Variants in DLG2 observed in about 807,000 individuals in gnomAD.
DLG2 encodes disks large homolog 2.
Under a neutral mutation model 132.5 loss-of-function variants are expected in DLG2, and 45 were observed. That is an observed-to-expected ratio of 0.34 (90% CI 0.27 to 0.44). DLG2 has a LOEUF of 0.44. Among genes scored for constraint, DLG2 ranks in the 20% least tolerant of loss-of-function variants. The pLI, the probability that DLG2 is intolerant of heterozygous loss-of-function variation, is 1.00. For synonymous variants in DLG2, 424 were observed against 419.6 expected, an observed-to-expected ratio of 1.01 and a Z score of -0.13; for missense variants, 1,045 against 1,196.9, an observed-to-expected ratio of 0.87 and a Z score of 1.87.
intron 7 of DLG2, among the ~76,000 whole-genome samples, chr11:84,304,035 C>T (rs542007698): frequency 5.3e-5 from 8 of 152,156 alleles, no homozygotes; most frequent in Admixed American, 4.6e-4. Flanking sequence ...AGGTTAATGG[C>T]GCAGAAACAT....
Position 84,181,717 on chromosome 11 carries a change from G to C in DLG2, c.574-18206C>G, listed in dbSNP as rs572002038. 2.0e-5 allele frequency among the ~76,000 whole-genome samples: 3 copies of C among 152,268 alleles called. No individual in the cohort carries two copies. The South Asian group carries it at 6.2e-4, about 32-fold the overall frequency. ...TCATAATAACACTAATCAAAAGAAAGTGGGAGTAGCTATATTAATTCCAGG... is the reference window on the plus strand; with the variant it reads ...TCATAATAACACTAATCAAAAGAAACTGGGAGTAGCTATATTAATTCCAGG... On this transcript the variant is annotated intron_variant, in intron 8 of 27. Coordinates refer to ENST00000376104, the MANE Select transcript of DLG2 (RefSeq NM_001142699.3).
chr11:83,577,559 A>AATATATAT (rs1167372199), intron 19 of DLG2, among the ~76,000 whole-genome samples: 6,883 of 78,096 alleles, frequency 0.088, 448 homozygotes, highest in East Asian at 0.2. Flanking sequence ...GAATTAATAG[A>AATATATAT]ATATATATAT....
At chr11:84,266,511 G>T (rs2097638124) in intron 7 of DLG2, among the ~76,000 whole-genome samples, 1 of 152,096 alleles carries the variant, frequency 6.6e-6, no homozygotes, top group South Asian at 2.1e-4. Context: ...TAAAAATTGG[G>T]GTATTACTAA....
At chr11:83,636,329 T>C (rs1417371569) in intron 18 of DLG2, among the ~76,000 whole-genome samples, 1 of 152,152 alleles carries the variant, frequency 6.6e-6, no homozygotes, top group African/African-American at 2.4e-5. Context: ...TAACATAGTG[T>C]CTGAGATGCT....
chr11:84,229,644 G>T (rs575930625), intron 8 of DLG2, among the ~76,000 whole-genome samples: 1 of 152,258 alleles, frequency 6.6e-6, no homozygotes, highest in African/African-American at 2.4e-5. Flanking sequence ...TGATGCTAAT[G>T]CCACTGGTTT....
At chr11:84,076,629 G>A (rs990132347) in intron 10 of DLG2, among the ~76,000 whole-genome samples, 31 of 152,228 alleles carry the variant, frequency 2.0e-4, no homozygotes, top group Admixed American at 1.2e-3. Flanking sequence ...TGTTGCAGTT[G>A]TCTGGCAAAA....
At chr11:84,945,248 G>C (rs553049626) in intron 6 of DLG2, among the ~76,000 whole-genome samples, 1 of 152,174 alleles carries the variant, frequency 6.6e-6, no homozygotes, top group African/African-American at 2.4e-5. Flanking sequence ...GGTCACTATA[G>C]CCGTATCTGC....
At chr11:83,722,468 G>A (rs2088866803) in intron 18 of DLG2, among the ~76,000 whole-genome samples, 1 of 152,170 alleles carries the variant, frequency 6.6e-6, no homozygotes, top group Non-Finnish European at 1.5e-5. Context: ...GGAGAAAGTA[G>A]CAAAGGAAGT....
intron 18 of DLG2, among the ~76,000 whole-genome samples, chr11:83,715,387 T>G (rs1195896876): frequency 6.6e-6 from 1 of 152,208 alleles, no homozygotes; most frequent in Non-Finnish European, 1.5e-5. Context: ...ACCAGCATTC[T>G]CAAACAGTTA....
chr11:85,141,970 A>C, intron 5 of DLG2, among the ~76,000 whole-genome samples: 1 of 151,790 alleles, frequency 6.6e-6, no homozygotes, highest in East Asian at 1.9e-4. Context: ...CTGTAGTATA[A>C]TTTAAAGTCA....
intron 7 of DLG2, among the ~76,000 whole-genome samples, chr11:84,427,557 G>C (rs1601924696): frequency 6.6e-6 from 1 of 151,910 alleles, no homozygotes; most frequent in Non-Finnish European, 1.5e-5. Flanking sequence ...AGGAATCTTG[G>C]GGAAAAAAAT....
chr11:85,198,555 A>C (rs1388722975), intron 4 of DLG2, among the ~76,000 whole-genome samples: 1 of 152,148 alleles, frequency 6.6e-6, no homozygotes, highest in African/African-American at 2.4e-5. Flanking sequence ...AGTAAAATTG[A>C]AGGCAAGTTT....
intron 9 of DLG2, among the ~76,000 whole-genome samples, chr11:84,162,443 T>G (rs2095567740): frequency 6.6e-6 from 1 of 151,976 alleles, no homozygotes; most frequent in Non-Finnish European, 1.5e-5. Flanking sequence ...CATATTTTTC[T>G]AAAGTATTAT....
chr11:84,231,095 T>C (rs935063396), intron 8 of DLG2, among the ~76,000 whole-genome samples: 1 of 152,176 alleles, frequency 6.6e-6, no homozygotes, highest in Non-Finnish European at 1.5e-5. Context: ...AATGGATGAA[T>C]TGATTCTTCT....
chr11:85,483,747 C>G (rs1402518205), intron 3 of DLG2, among the ~76,000 whole-genome samples: 1 of 151,940 alleles, frequency 6.6e-6, no homozygotes, highest in Non-Finnish European at 1.5e-5. Flanking sequence ...AGTTCAAGAC[C>G]AGCCTGGCCA....
intron 18 of DLG2, among the ~76,000 whole-genome samples, chr11:83,734,881 T>TTATA (rs1020941709): frequency 6.6e-6 from 1 of 151,680 alleles, no homozygotes; most frequent in African/African-American, 2.4e-5. Flanking sequence ...TACATTAATA[T>TTATA]TATATATATA....
At chr11:84,232,870 G>C (rs10792741) in intron 8 of DLG2, among the ~76,000 whole-genome samples, 139,659 of 152,234 alleles carry the variant, frequency 0.92, 64,140 homozygotes, top group East Asian at 1. Flanking sequence ...TGATATAGGA[G>C]AGCTCCCCCA....
chr11:83,761,189 T>C (rs1224686442), intron 18 of DLG2, among the ~76,000 whole-genome samples: 1 of 152,116 alleles, frequency 6.6e-6, no homozygotes, highest in Non-Finnish European at 1.5e-5. Context: ...GGGCATTTAT[T>C]TGCTGGATTC....
chr11:83,936,420 G>A (rs1430486269), intron 14 of DLG2, among the ~76,000 whole-genome samples: 3 of 152,136 alleles, frequency 2.0e-5, no homozygotes, highest in African/African-American at 7.2e-5. Flanking sequence ...TCTTTATAAT[G>A]GTTTGCTTTC....
Sources: allele counts gnomAD v4.1 joint callset (sites outside exome capture counted in the v4.1 genomes callset), GRCh38; gene constraint gnomAD v4.1.1; transcripts MANE v1.5; gene names NCBI Gene and HGNC (gene_info 2026-07-23, HGNC 2026-07-21).